The following PACRG variants were observed in gnomAD, a reference collection of about 807,000 sequenced individuals.
PACRG encodes parkin coregulated gene protein.
In PACRG, 29 loss-of-function variants were observed where a neutral mutation model predicts 29.7. That is an observed-to-expected ratio of 0.98 (90% confidence interval 0.73 to 1.33). PACRG has a LOEUF of 1.33. Among genes scored for constraint, PACRG ranks in the 40% most tolerant of loss-of-function variants. The pLI is 0.00. For synonymous variants in PACRG, 116 were observed against 118.7 expected (o/e 0.98, Z 0.15); for missense variants, 279 against 316.2 (o/e 0.88, Z 0.89).
chr6:163,169,090 G>A (rs1025609690), intron 4 of PACRG, among the ~76,000 whole-genome samples: 1 of 152,210 alleles, frequency 6.6e-6, no homozygotes, highest in Non-Finnish European at 1.5e-5. Context: ...TCCTCTAGGT[G>A]CTCTTCTAAG....
intron 4 of PACRG, among the ~76,000 whole-genome samples, chr6:163,257,234 C>T (rs563606779): frequency 1.5e-3 from 232 of 151,872 alleles, no homozygotes; most frequent in Non-Finnish European, 1.5e-3. Flanking sequence ...AACTCAACCC[C>T]GTACATGTTG....
intron 4 of PACRG, among the ~76,000 whole-genome samples, chr6:163,130,236 G>A (rs902393064): frequency 6.6e-6 from 1 of 152,144 alleles, no homozygotes; most frequent in African/African-American, 2.4e-5. Context: ...GAGCACCTTT[G>A]GGGGTGGAGG....
chr6:162,727,565 T>C (rs998737437), upstream of PACRG: 4 of 1,317,436 alleles, frequency 3.0e-6, no homozygotes, highest in Admixed American at 2.0e-5. Context: ...TCATTGACAG[T>C]TGGCACCGGG....
rs552743389 is a variant in PACRG at position 163,008,701 on chromosome 6, T to A, written c.292-53449T>A. ...AGCACCTCACATGGTAAGAGGACTA[T>A]GTATTCCTTTCCCTTCGTGAAGGCT... On this transcript the variant is annotated intron_variant, in intron 2 of 4. Coordinates refer to ENST00000366888, the MANE Select transcript of PACRG (RefSeq NM_001080379.2). 4.0e-5 allele frequency among the ~76,000 whole-genome samples: 6 copies of A among 148,510 alleles called. No homozygotes were observed. The East Asian group carries it at 1.2e-3, about 29-fold the overall frequency.
intron 1 of PACRG, among the ~76,000 whole-genome samples, chr6:162,759,340 C>T (rs1304979520): frequency 1.3e-5 from 2 of 152,092 alleles, no homozygotes; most frequent in Non-Finnish European, 2.9e-5. Flanking sequence ...TCTGAAAGTA[C>T]ATCTATGTGA....
intron 1 of PACRG, among the ~76,000 whole-genome samples, chr6:162,755,856 G>A (rs111378033): frequency 4.6e-5 from 7 of 152,062 alleles, no homozygotes; most frequent in African/African-American, 1.7e-4. Flanking sequence ...TCAAACATTT[G>A]TCACAAAATG....
intron 3 of PACRG, among the ~76,000 whole-genome samples, chr6:163,069,285 CAAAAAAA>C (rs11354740): frequency 2.1e-5 from 2 of 94,394 alleles, no homozygotes; most frequent in African/African-American, 7.1e-5. Flanking sequence ...ATGAACTCAC[CAAAAAAA>C]AAAAAAAAAA....
chr6:162,929,677 C>A (rs547672927), intron 2 of PACRG, among the ~76,000 whole-genome samples: 3 of 151,888 alleles, frequency 2.0e-5, no homozygotes, highest in Non-Finnish European at 2.9e-5. Context: ...GAGCATTTTC[C>A]CCAATGATCT....
At chr6:162,808,071 G>A (rs943509929) in intron 1 of PACRG, among the ~76,000 whole-genome samples, 1 of 152,082 alleles carries the variant, frequency 6.6e-6, no homozygotes, top group South Asian at 2.1e-4. Flanking sequence ...AATTTTGTAA[G>A]CATTGTCCTG....
At chr6:162,878,032 C>A (rs1368335167) in intron 2 of PACRG, among the ~76,000 whole-genome samples, 1 of 152,002 alleles carries the variant, frequency 6.6e-6, no homozygotes, top group Non-Finnish European at 1.5e-5. Context: ...TGGGTAAATA[C>A]TAAATTTAGA....
intron 4 of PACRG, among the ~76,000 whole-genome samples, chr6:163,222,142 T>A (rs1781607153): frequency 6.6e-6 from 1 of 152,186 alleles, no homozygotes; most frequent in Non-Finnish European, 1.5e-5. Context: ...ATTACAGTGG[T>A]AATTGAAAAG....
chr6:162,796,154 TC>T (rs1312130894), intron 1 of PACRG, among the ~76,000 whole-genome samples: 1 of 152,192 alleles, frequency 6.6e-6, no homozygotes, highest in East Asian at 1.9e-4. Context: ...CATATCTTCT[TC>T]TTGCCTTTAG....
intron 4 of PACRG, among the ~76,000 whole-genome samples, chr6:163,153,755 A>G (rs1778198691): frequency 6.6e-6 from 1 of 152,234 alleles, no homozygotes; most frequent in African/African-American, 2.4e-5. Flanking sequence ...TGTGGGAAAA[A>G]GATGAAGAGG....
rs532292887 is a variant in PACRG, at chr6:163,102,195, C to T, written c.613+12787C>T. 3.9e-5 allele frequency among the ~76,000 whole-genome samples: 6 copies of T among 152,310 alleles called. No individual in the cohort carries two copies. The South Asian group carries it at 8.3e-4, about 21-fold the overall frequency. On this transcript the variant is annotated intron_variant, in intron 4 of 4. Transcript: ENST00000366888. ...CCACACATGGACACCATCCTGCAAA[C>T]TTTATGTTCCTTCTAACCATATATC...
chr6:162,998,544 G>T (rs11964917), intron 2 of PACRG, among the ~76,000 whole-genome samples: 1 of 152,196 alleles, frequency 6.6e-6, no homozygotes, highest in Non-Finnish European at 1.5e-5. Context: ...GATGAACGTA[G>T]AAGTCTTTGT....
At chr6:163,148,572 C>G (rs1777899408) in intron 4 of PACRG, among the ~76,000 whole-genome samples, 1 of 152,168 alleles carries the variant, frequency 6.6e-6, no homozygotes, top group South Asian at 2.1e-4. Flanking sequence ...TCCATACATT[C>G]CTCTTCAGAC....
chr6:162,826,486 G>A (rs1156983017), intron 2 of PACRG, among the ~76,000 whole-genome samples: 1 of 138,182 alleles, frequency 7.2e-6, no homozygotes, highest in Non-Finnish European at 1.5e-5. Context: ...TTTTTGAGAT[G>A]GAGTTTCACT....
At chr6:163,294,124 T>C (rs544573790) in intron 4 of PACRG, among the ~76,000 whole-genome samples, 4 of 152,234 alleles carry the variant, frequency 2.6e-5, no homozygotes, top group African/African-American at 9.6e-5. Context: ...AAAAATGCAA[T>C]TGTGGTAAAA....
chr6:162,935,373 C>G (rs1489526997), intron 2 of PACRG, among the ~76,000 whole-genome samples: 1 of 148,928 alleles, frequency 6.7e-6, no homozygotes, highest in African/African-American at 2.5e-5. Flanking sequence ...CGGATAGGCT[C>G]TCTTCATTCT....
Sources: allele counts gnomAD v4.1 joint callset (sites outside exome capture counted in the v4.1 genomes callset), GRCh38; gene constraint gnomAD v4.1.1; transcripts MANE v1.5; gene names NCBI Gene and HGNC (gene_info 2026-07-23, HGNC 2026-07-21).